The following CSMD1 variants were observed in gnomAD, a reference collection of about 807,000 sequenced individuals.
CSMD1 encodes CUB and Sushi multiple domains 1.
Under a neutral mutation model 417.5 loss-of-function variants are expected in CSMD1, and 213 were observed. The ratio of observed to expected loss-of-function variants is 0.51; its 90% CI spans 0.46 to 0.57. CSMD1 has a LOEUF of 0.57. Ranked by LOEUF, CSMD1 falls within the 20% of genes least tolerant of loss-of-function variation. CSMD1 has a pLI of 0.00. For missense variants in CSMD1, 6,923 were observed against 4,529.7 expected, an observed-to-expected ratio of 1.53 and a Z score of -15.17; for synonymous variants, 2,862 against 1,736.8, an observed-to-expected ratio of 1.65 and a Z score of -16.11.
intron 5 of CSMD1, among the ~76,000 whole-genome samples, chr8:3,891,395 C>T (rs78540115): frequency 2.6e-5 from 4 of 151,966 alleles, no homozygotes; most frequent in Admixed American, 6.6e-5. Context: ...AAAATCCATC[C>T]GAGGCCAGGT....
intron 10 of CSMD1, among the ~76,000 whole-genome samples, chr8:3,560,662 T>C (rs944988239): frequency 6.6e-6 from 1 of 152,158 alleles, no homozygotes; most frequent in African/African-American, 2.4e-5. Flanking sequence ...TTCTATTGTC[T>C]TTTACTGTCT....
At chr8:4,913,396 T>C (rs896548379) in intron 1 of CSMD1, among the ~76,000 whole-genome samples, 1 of 152,212 alleles carries the variant, frequency 6.6e-6, no homozygotes, top group Non-Finnish European at 1.5e-5. Flanking sequence ...TTGATTGTTT[T>C]CCTAATTCCT....
At chr8:3,466,646 C>G (rs1816806787) in intron 12 of CSMD1, among the ~76,000 whole-genome samples, 1 of 140,902 alleles carries the variant, frequency 7.1e-6, no homozygotes, top group Non-Finnish European at 1.5e-5. Context: ...CCAGGCTGGT[C>G]TGGAACTCCT....
chr8:4,391,890 G>C (rs563042040), intron 3 of CSMD1, among the ~76,000 whole-genome samples: 2 of 152,276 alleles, frequency 1.3e-5, no homozygotes, highest in South Asian at 2.1e-4. Flanking sequence ...CTTCTGCCGA[G>C]AGCTTCTTTT....
intron 2 of CSMD1, among the ~76,000 whole-genome samples, chr8:4,580,696 G>T (rs543687156): frequency 5.3e-5 from 8 of 152,204 alleles, no homozygotes; most frequent in African/African-American, 1.9e-4. Context: ...CAAGGTAAAT[G>T]CGACAACACC....
At chr8:3,189,846 A>G (rs547687701) in intron 34 of CSMD1, 66 bp downstream of exon 34, 1 of 1,395,440 alleles carries the variant, frequency 7.2e-7, no homozygotes, top group Non-Finnish European at 9.8e-7. Context: ...GGATAGAAAC[A>G]TGAGAAGTAA....
intron 1 of CSMD1, among the ~76,000 whole-genome samples, chr8:4,812,094 G>A (rs538900541): frequency 7.2e-5 from 11 of 152,210 alleles, no homozygotes; most frequent in Admixed American, 5.2e-4. Context: ...AAATTCCTAC[G>A]CAGCTGGACA....
chr8:4,085,042 A>T (rs1054028907), intron 3 of CSMD1, among the ~76,000 whole-genome samples: 1 of 152,168 alleles, frequency 6.6e-6, no homozygotes, highest in Admixed American at 6.5e-5. Flanking sequence ...CAAATTCTAA[A>T]GTTCATAAGC....
At chr8:3,591,107 A>C (rs1800825647) in intron 8 of CSMD1, among the ~76,000 whole-genome samples, 1 of 152,198 alleles carries the variant, frequency 6.6e-6, no homozygotes, top group African/African-American at 2.4e-5. Context: ...CACAACTGAG[A>C]CAATTGTTAG....
intron 12 of CSMD1, among the ~76,000 whole-genome samples, chr8:3,420,925 A>G (rs529212748): frequency 6.6e-6 from 1 of 152,274 alleles, no homozygotes; most frequent in East Asian, 1.9e-4. Context: ...TGGTCCAGTT[A>G]TCTAATAATC....
chr8:4,431,169 G>A (rs1164914961), intron 2 of CSMD1, among the ~76,000 whole-genome samples: 1 of 152,058 alleles, frequency 6.6e-6, no homozygotes, highest in Non-Finnish European at 1.5e-5. Context: ...GGCAAGGGAG[G>A]GGAGTAGGTA....
chr8:4,628,014 A>G (rs918906919), intron 2 of CSMD1, among the ~76,000 whole-genome samples: 5 of 151,950 alleles, frequency 3.3e-5, no homozygotes, highest in African/African-American at 1.2e-4. Flanking sequence ...ATGTCTCTAG[A>G]TACTGCCACT....
chr8:3,945,930 A>T (rs1466763524), intron 5 of CSMD1, among the ~76,000 whole-genome samples: 1 of 152,158 alleles, frequency 6.6e-6, no homozygotes, highest in Non-Finnish European at 1.5e-5. Flanking sequence ...AACTAAGACT[A>T]TCATGATTAT....
chr8:4,868,283 G>A (rs1802533650), intron 1 of CSMD1, among the ~76,000 whole-genome samples: 1 of 152,042 alleles, frequency 6.6e-6, no homozygotes, highest in South Asian at 2.1e-4. Context: ...ACCCAGGCTG[G>A]AGAGCAGTGG....
chr8:3,709,918 C>A (rs1278218683), intron 6 of CSMD1, among the ~76,000 whole-genome samples: 1 of 28,128 alleles, frequency 3.6e-5, no homozygotes, highest in Non-Finnish European at 6.4e-5. Flanking sequence ...ATACAGGAGA[C>A]CCCTGAAGCA....
intron 3 of CSMD1, among the ~76,000 whole-genome samples, chr8:4,158,844 G>C (rs1339445969): frequency 6.6e-6 from 1 of 152,154 alleles, no homozygotes; most frequent in Non-Finnish European, 1.5e-5. Context: ...TAGGAAGTCA[G>C]TTTTCAGAAT....
intron 5 of CSMD1, among the ~76,000 whole-genome samples, chr8:3,767,316 C>A (rs991398820): frequency 6.6e-6 from 1 of 152,252 alleles, no homozygotes; most frequent in Non-Finnish European, 1.5e-5. Flanking sequence ...ATTACGAACA[C>A]GGACAGTGGA....
intron 1 of CSMD1, among the ~76,000 whole-genome samples, chr8:4,818,320 C>T (rs772452118): frequency 1.3e-4 from 20 of 152,144 alleles, no homozygotes; most frequent in Non-Finnish European, 2.8e-4. Context: ...AGCTAGATTA[C>T]AAAAGTATAA....
chr8:4,681,077 C>T (rs1014768241), intron 1 of CSMD1, among the ~76,000 whole-genome samples: 11 of 151,408 alleles, frequency 7.3e-5, no homozygotes, highest in African/African-American at 1.7e-4. Flanking sequence ...ATTATGGCTA[C>T]GTAATGAAAA....
Sources: gnomAD v4.1 joint callset for allele counts (sites outside exome capture counted in the v4.1 genomes callset) on GRCh38, gnomAD v4.1.1 for gene constraint, MANE v1.5 for transcripts, NCBI Gene and HGNC (gene_info 2026-07-23, HGNC 2026-07-21) for gene names.